The following CAMTA1 variants were observed in gnomAD, a reference collection of about 807,000 sequenced individuals.
CAMTA1 encodes the protein calmodulin-binding transcription activator 1.
In CAMTA1, 27 loss-of-function variants were observed where a neutral mutation model predicts 170.9. That is an observed-to-expected ratio of 0.16 (90% CI 0.12 to 0.22). CAMTA1 has a LOEUF of 0.22. Among genes scored for constraint, CAMTA1 ranks in the 10% least tolerant of loss-of-function variants. CAMTA1 has a pLI of 1.00. For missense variants in CAMTA1, 1,619 were observed against 2,217.2 expected, an observed-to-expected ratio of 0.73 and a Z score of 5.42; for synonymous variants, 833 against 891.5, an observed-to-expected ratio of 0.93 and a Z score of 1.17.
chr1:7,451,073 A>T (rs919447661), intron 5 of CAMTA1, among the ~76,000 whole-genome samples: 13 of 152,140 alleles, frequency 8.5e-5, no homozygotes, highest in African/African-American at 3.1e-4. Flanking sequence ...ACTTATGTAC[A>T]TGTTGCTGAG....
chr1:7,051,176 C>T (rs1205276917), intron 3 of CAMTA1, among the ~76,000 whole-genome samples: 1 of 152,104 alleles, frequency 6.6e-6, no homozygotes, highest in African/African-American at 2.4e-5. Flanking sequence ...TACAGCACCT[C>T]GGGTCTGAAC....
At chr1:7,223,476 A>T (rs58271751) in intron 4 of CAMTA1, among the ~76,000 whole-genome samples, 14,293 of 151,968 alleles carry the variant, frequency 0.094, 1,936 homozygotes, top group African/African-American at 0.3. Context: ...CAGGGTCCTG[A>T]GGGGTCAGGA....
At chr1:6,904,503 T>A (rs988914089) in intron 3 of CAMTA1, among the ~76,000 whole-genome samples, 5 of 151,978 alleles carry the variant, frequency 3.3e-5, no homozygotes, top group Admixed American at 3.3e-4. Context: ...CACATCTATA[T>A]CTTTAGGCTC....
rs1260606838 is a variant in CAMTA1 at position 7,682,972 on chromosome 1, C to T, written c.2914+5239C>T. On this transcript the variant is annotated intron_variant, in intron 11 of 22. Coordinates refer to ENST00000303635, the MANE Select transcript of CAMTA1 (RefSeq NM_015215.4). The surrounding 1 kb of genome is among the most constrained non-coding windows in gnomAD (Gnocchi z 5.0). ...GGATCACAAGGTCAGGAGATCGAGC[C>T]CATCCTGGTTAACACGGTGAAACCC... Among the ~76,000 whole-genome samples the T allele has an allele frequency of 6.6e-6, 1 of 152,144 alleles. No individual in the cohort carries two copies. Among genetic ancestry groups the T allele is most frequent in the Non-Finnish European group, 1.5e-5 (1 of 68,024 alleles).
At position 7,224,909 on chromosome 1, in the gene CAMTA1, T is replaced by C. The variant is rs892739561; in HGVS notation, c.303-24582T>C. ...CTGATGAGTCTCGGGTCACATGAGCTGCATCCTTATTGCCGCAGCCAGCAG... is the reference window on the plus strand; with the variant it reads ...CTGATGAGTCTCGGGTCACATGAGCCGCATCCTTATTGCCGCAGCCAGCAG... On this transcript the variant is annotated intron_variant, in intron 4 of 22. Coordinates refer to ENST00000303635, the MANE Select transcript of CAMTA1 (RefSeq NM_015215.4). This position sits in a 1 kb window ranked among gnomAD's most constrained non-coding sequence, Gnocchi z 5.2. Among the ~76,000 whole-genome samples the C allele has an allele frequency of 6.6e-6, 1 of 152,226 alleles. No homozygotes were observed. The highest frequency in any genetic ancestry group is 1.5e-5 in the Non-Finnish European group (1 of 68,032).
rs906478999 is a variant in CAMTA1, at chr1:7,592,502, T to G, written c.511-47898T>G. ...TTCCAAGCATGAGACATAGGTAGGG[T>G]CCTATTGGAATGGGCCAGCACCCTC... On this transcript the variant is annotated intron_variant, in intron 6 of 22. Transcript: ENST00000303635. This position sits in a 1 kb window ranked among gnomAD's most constrained non-coding sequence, Gnocchi z 4.6. Among the ~76,000 whole-genome samples the G allele has an allele frequency of 4.6e-5, 7 of 151,902 alleles. No homozygotes were observed. Among genetic ancestry groups the G allele is most frequent in the Non-Finnish European group, 1.0e-4 (7 of 67,944 alleles).
chr1:7,708,857 G>A (rs1448230466), intron 11 of CAMTA1, among the ~76,000 whole-genome samples: 1 of 152,198 alleles, frequency 6.6e-6, no homozygotes. Context: ...TTTTTGTAAT[G>A]TGGAAGGTGA....
At chr1:6,882,636 A>T (rs1671934487) in intron 3 of CAMTA1, among the ~76,000 whole-genome samples, 1 of 152,066 alleles carries the variant, frequency 6.6e-6, no homozygotes, top group African/African-American at 2.4e-5. Flanking sequence ...TGACTGTAAG[A>T]TCAGGTGGAG....
At chr1:7,280,482 G>A (rs759449238) in intron 5 of CAMTA1, among the ~76,000 whole-genome samples, 1 of 152,236 alleles carries the variant, frequency 6.6e-6, no homozygotes, top group Non-Finnish European at 1.5e-5. Context: ...GCACTGCTGA[G>A]TGTAATGGTG....
At chr1:7,055,423 T>A (rs1293734368) in intron 3 of CAMTA1, among the ~76,000 whole-genome samples, 3 of 152,184 alleles carry the variant, frequency 2.0e-5, no homozygotes, top group African/African-American at 7.2e-5. Flanking sequence ...TTAGCATCCC[T>A]GAGTCCCCAG....
chr1:7,751,655 A>G (rs1437591139), intron 20 of CAMTA1, among the ~76,000 whole-genome samples: 2 of 151,960 alleles, frequency 1.3e-5, no homozygotes, highest in African/African-American at 2.4e-5. Context: ...AGAATTTGGC[A>G]GCACCAGTTT....
intron 5 of CAMTA1, among the ~76,000 whole-genome samples, chr1:7,269,198 T>C (rs1052431785): frequency 1.3e-5 from 2 of 152,220 alleles, no homozygotes; most frequent in Admixed American, 6.5e-5. Context: ...ATCTGAAGGC[T>C]TGACTGAGGA....
chr1:6,875,085 G>A (rs1345204593), intron 3 of CAMTA1, among the ~76,000 whole-genome samples: 1 of 152,240 alleles, frequency 6.6e-6, no homozygotes, highest in Middle Eastern at 3.4e-3. Flanking sequence ...GAATGCTGAT[G>A]CCCAGATAGG....
At position 7,738,892 on chromosome 1, in the gene CAMTA1, G is replaced by C. The variant is rs2096790135; in HGVS notation, c.4182+410G>C. ...CCCGTGGATAGATTTTGAATTATCT[G>C]AGTGACCTTGATCGGCATAGCTATC... On this transcript the variant is annotated intron_variant, in intron 16 of 22. Transcript: ENST00000303635. This position sits in a 1 kb window ranked among gnomAD's most constrained non-coding sequence, Gnocchi z 4.9. 6.6e-6 allele frequency among the ~76,000 whole-genome samples: 1 copy of C among 152,196 alleles called. No homozygotes were observed. Among genetic ancestry groups the C allele is most frequent in the African/African-American group, 2.4e-5 (1 of 41,436 alleles).
intron 3 of CAMTA1, among the ~76,000 whole-genome samples, chr1:7,002,939 C>A (rs1052683734): frequency 6.6e-6 from 1 of 152,136 alleles, no homozygotes; most frequent in Non-Finnish European, 1.5e-5. Flanking sequence ...CAGAGGACAG[C>A]GCAAAGAAGC....
intron 5 of CAMTA1, among the ~76,000 whole-genome samples, chr1:7,436,413 T>C (rs2092349012): frequency 6.6e-6 from 1 of 152,098 alleles, no homozygotes; most frequent in African/African-American, 2.4e-5. Flanking sequence ...ATGCTAGGCT[T>C]GGAGGGGTGC....
chr1:7,347,117 G>A (rs933115238), intron 5 of CAMTA1, among the ~76,000 whole-genome samples: 9 of 152,202 alleles, frequency 5.9e-5, no homozygotes, highest in African/African-American at 1.2e-4. Flanking sequence ...GAGAGATCCG[G>A]CTGCCTCATC....
rs1420693053 is a variant in CAMTA1 at position 6,942,175 on chromosome 1, A to G, written c.234+116965A>G. Among the ~76,000 whole-genome samples, 3 of 151,946 alleles carry G rather than the reference A, an allele frequency of 2.0e-5. No homozygotes were observed. In the East Asian group the frequency reaches 5.8e-4, roughly 29 times the overall value. Reference sequence around the variant, plus strand: ...ACCCTGCTTCATAATTGGCCTATACAATACACCCTGTTCAGAATTTTTAAT... The same window carrying G: ...ACCCTGCTTCATAATTGGCCTATACGATACACCCTGTTCAGAATTTTTAAT... On this transcript the variant is annotated intron_variant, in intron 3 of 22. Coordinates refer to ENST00000303635, the MANE Select transcript of CAMTA1 (RefSeq NM_015215.4).
At chr1:6,873,544 C>T (rs1247225758) in intron 3 of CAMTA1, among the ~76,000 whole-genome samples, 1 of 152,152 alleles carries the variant, frequency 6.6e-6, no homozygotes, top group Non-Finnish European at 1.5e-5. Flanking sequence ...CTGTTGGAAT[C>T]GGCTCCCCTG....
Sources: gnomAD v4.1 joint callset for allele counts (sites outside exome capture counted in the v4.1 genomes callset) on GRCh38, gnomAD v4.1.1 for gene constraint, Gnocchi (gnomAD v3.1) non-coding constraint, MANE v1.5 for transcripts, NCBI Gene and HGNC (gene_info 2026-07-23, HGNC 2026-07-21) for gene names.